AKAP9: variants seen among roughly 807,000 people sequenced by gnomAD.
The protein encoded by AKAP9 is A-kinase anchoring protein 9, also known as A-kinase anchor protein 9.
AKAP9 carries 311 observed loss-of-function variants against 488.5 expected under a neutral mutation model. The observed-to-expected ratio is 0.64, with a 90% CI of 0.58 to 0.70. The LOEUF (loss-of-function observed/expected upper bound fraction) is 0.70. Among genes scored for constraint, AKAP9 ranks in the 30% least tolerant of loss-of-function variants. The pLI, the probability that AKAP9 is intolerant of heterozygous loss-of-function variation, is 0.00. For missense variants in AKAP9, 4,215 were observed against 4,374.5 expected, an observed-to-expected ratio of 0.96 and a Z score of 1.03; for synonymous variants, 1,462 against 1,483.5, an observed-to-expected ratio of 0.99 and a Z score of 0.33.
chr7:92,033,524 C>T (rs1468249112), intron 16 of AKAP9, among the ~76,000 whole-genome samples: 1 of 150,012 alleles, frequency 6.7e-6, no homozygotes, highest in African/African-American at 2.5e-5. Flanking sequence ...CTGCTCACCG[C>T]AACCTCCAAC....
intron 3 of AKAP9, among the ~76,000 whole-genome samples, chr7:91,981,464 A>G (rs958800200): frequency 4.6e-5 from 7 of 152,184 alleles, no homozygotes; most frequent in East Asian, 1.9e-4. Flanking sequence ...ATACTATGCC[A>G]TTAAGGGTCT....
Position 92,038,556 on chromosome 7 carries a change from A to G in AKAP9, c.4476A>G (p.Lys1492=). Residue 1492 remains lysine, a synonymous_variant, in exon 17 of 50, where the codon AAA becomes AAG. Coordinates refer to ENST00000356239, the MANE Select transcript of AKAP9 (RefSeq NM_005751.5). ...AACAACATTATTTTAATGAAATGAA[A>G]TTATCACAGGATCAAATTGGTTTTC... ...QQEQHYFNEM[K]LSQDQIGFQT... is the part of the protein sequence containing the mutation. The G allele has an allele frequency of 6.2e-7, 1 of 1,613,974 alleles. No individual in the cohort carries two copies. Among genetic ancestry groups the G allele is most frequent in the South Asian group, 1.1e-5 (1 of 91,076 alleles).
At chr7:91,986,474 G>T (rs1797106109) in intron 3 of AKAP9, among the ~76,000 whole-genome samples, 1 of 152,204 alleles carries the variant, frequency 6.6e-6, no homozygotes, top group South Asian at 2.1e-4. Flanking sequence ...CCCGTCTTCT[G>T]TGTCGCTCAC....
rs1343516319 is a variant in AKAP9 at position 92,001,139 on chromosome 7, A to T, written c.1222A>T (p.Asn408Tyr). 6.2e-7 allele frequency: 1 copy of T among 1,613,954 alleles called. No individual in the cohort carries two copies. The highest frequency in any genetic ancestry group is 8.5e-7 in the Non-Finnish European group (1 of 1,179,974). Residue 408 changes from asparagine to tyrosine, a missense_variant, in exon 8 of 50, where the codon AAT (asparagine) becomes TAT (tyrosine). By Grantham distance (143) the Asn-to-Tyr change is moderately radical. This residue lies in a region of AKAP9 where 2,361 missense variants were observed against 2,430.0 expected (regional missense o/e 0.97). Coordinates refer to ENST00000356239, the MANE Select transcript of AKAP9 (RefSeq NM_005751.5). ...GACAGTCGAAGAACTTCAGAAGAGA[A>T]ATCATAAAGACAGCCAGTTCGAAAC... Reference protein sequence around the residue: ...MGTVEELQKRNHKDSQFETDI... With the variant: ...MGTVEELQKRYHKDSQFETDI...
chr7:92,042,528 T>C (rs1469363907), intron 19 of AKAP9, 140 bp from the exon 20 acceptor site: 1 of 659,078 alleles, frequency 1.5e-6, no homozygotes, highest in African/African-American at 1.8e-5. Flanking sequence ...TGTAGTTAAA[T>C]ATTATACCAA....
At chr7:92,008,769 G>A (rs1486976252) in intron 8 of AKAP9, among the ~76,000 whole-genome samples, 1 of 151,838 alleles carries the variant, frequency 6.6e-6, no homozygotes, top group African/African-American at 2.4e-5. Flanking sequence ...GGCAGATCAC[G>A]AGGTCAGGAG....
chr7:92,008,857 G>A (rs796444599), intron 8 of AKAP9, among the ~76,000 whole-genome samples: 18 of 151,410 alleles, frequency 1.2e-4, no homozygotes, highest in African/African-American at 4.1e-4. Flanking sequence ...ATGGTAGCGT[G>A]CACCTGTAGT....
chr7:92,058,150 G>A (rs759786218), intron 22 of AKAP9: 26 of 561,312 alleles, frequency 4.6e-5, no homozygotes, highest in Admixed American at 1.1e-4. Context: ...TAGGAATCTC[G>A]GCAGCTGTAT....
intron 14 of AKAP9, among the ~76,000 whole-genome samples, chr7:92,027,360 C>CCT (rs1803430044): frequency 1.4e-5 from 2 of 138,654 alleles, no homozygotes; most frequent in South Asian, 2.4e-4. Flanking sequence ...GCCCGGCCGC[C>CCT]TCGTCTGGGA....
intron 27 of AKAP9, among the ~76,000 whole-genome samples, chr7:92,070,610 T>A (rs531751328): frequency 2.2e-4 from 34 of 152,058 alleles, no homozygotes; most frequent in African/African-American, 7.5e-4. Flanking sequence ...GATTTTTGTA[T>A]TTTTAGTAGA....
chr7:92,013,855 TAGTG>T (rs1182863486), intron 9 of AKAP9, among the ~76,000 whole-genome samples: 1 of 150,514 alleles, frequency 6.6e-6, no homozygotes, highest in Admixed American at 6.7e-5. Flanking sequence ...GAAGTCAGTT[TAGTG>T]AGTAATGATC....
At chr7:92,085,830 G>A (rs1160238889) in intron 36 of AKAP9, 144 bp downstream of exon 36, 8 of 675,254 alleles carry the variant, frequency 1.2e-5, no homozygotes, top group African/African-American at 1.1e-4. Flanking sequence ...TCAGCCAGAA[G>A]CAGTGCCTCA....
intron 8 of AKAP9, among the ~76,000 whole-genome samples, chr7:92,010,208 A>T (rs1467318325): frequency 1.3e-5 from 2 of 152,250 alleles, no homozygotes; most frequent in African/African-American, 4.8e-5. Context: ...GCATAGCTTC[A>T]GTGAAAGATT....
chr7:92,079,632 G>C lies in AKAP9; in HGVS notation c.7499G>C (p.Arg2500Thr). Residue 2500 changes from arginine (R) to threonine (T), a missense_variant, in exon 31 of 50, where the codon AGG becomes ACG. Arg to Thr is a moderately conservative substitution (Grantham distance 71). Around this residue, in one of 5 missense-constraint regions of AKAP9, gnomAD observed 1,476 missense variants for 1,477.4 expected, o/e 1.00. Coordinates refer to ENST00000356239, the MANE Select transcript of AKAP9 (RefSeq NM_005751.5). ...GGTTCCATAATTAATTTGGAAACAA[G>C]GTTGCTACAACTTGAGAGCACTGTT... ...GKGSIINLET[R>T]LLQLESTVSA... 1 of 1,613,866 alleles carries C rather than the reference G, an allele frequency of 6.2e-7. No individual in the cohort carries two copies. The highest frequency in any genetic ancestry group is 1.1e-5 in the South Asian group (1 of 91,058).
chr7:92,041,123 G>T, intron 18 of AKAP9: 1 of 472,386 alleles, frequency 2.1e-6, no homozygotes, highest in Non-Finnish European at 3.7e-6. Flanking sequence ...ACCTTGGAGT[G>T]GGCATTGTCT....
chr7:91,964,295 A>G (rs1316965515), intron 1 of AKAP9, among the ~76,000 whole-genome samples: 1 of 152,212 alleles, frequency 6.6e-6, no homozygotes, highest in Non-Finnish European at 1.5e-5. Context: ...TTTCATAAAA[A>G]TAGATTATGC....
At chr7:92,097,991 A>G in intron 42 of AKAP9, 118 bp from the exon 43 acceptor site, 1 of 870,836 alleles carries the variant, frequency 1.1e-6, no homozygotes, top group Non-Finnish European at 1.9e-6. Context: ...GGAAGAAAGC[A>G]TGGGATATAA....
chr7:91,984,612 G>A (rs1166400629), intron 3 of AKAP9, among the ~76,000 whole-genome samples: 12 of 152,080 alleles, frequency 7.9e-5, no homozygotes, highest in Non-Finnish European at 2.9e-5. Context: ...TGGCAATGTG[G>A]GCTCTTTTTT....
In AKAP9 at chr7:92,040,866, G is replaced by C. The variant is rs1315341163; in HGVS notation, c.4885G>C (p.Glu1629Gln). Reference protein sequence around the residue: ...QREDQEQLQEEIKRLNRQLAQ... With the variant: ...QREDQEQLQEQIKRLNRQLAQ... Reference sequence around the variant, plus strand: ...AGAAGACCAGGAACAGCTACAAGAAGAGATTAAGAGACTTAATAGACAATT... The same window carrying C: ...AGAAGACCAGGAACAGCTACAAGAACAGATTAAGAGACTTAATAGACAATT... The change falls in exon 18 of 50, where the codon GAG (glutamate) becomes CAG (glutamine). Residue 1629 changes from glutamate (E) to glutamine (Q), a missense_variant. By Grantham distance (29) the Glu-to-Gln change is conservative. This residue lies in a region of AKAP9 where 2,361 missense variants were observed against 2,430.0 expected (regional missense o/e 0.97). Coordinates refer to ENST00000356239, the MANE Select transcript of AKAP9 (RefSeq NM_005751.5). The C allele has an allele frequency of 6.2e-6, 10 of 1,613,532 alleles. No homozygotes were observed. In the South Asian group the frequency reaches 9.9e-5, roughly 16 times the overall value.
Sources: gnomAD v4.1 joint callset for allele counts (sites outside exome capture counted in the v4.1 genomes callset) on GRCh38, gnomAD v4.1.1 for gene constraint, gnomAD v4.1.1 regional missense constraint, MANE v1.5 for transcripts, NCBI Gene and HGNC (gene_info 2026-07-23, HGNC 2026-07-21) for gene names.